KCNN2: variants seen among roughly 807,000 people sequenced by gnomAD.
The protein encoded by KCNN2 is potassium calcium-activated channel subfamily N member 2, also known as small conductance calcium-activated potassium channel protein 2.
In KCNN2, 24 loss-of-function variants were observed where a neutral mutation model predicts 55.5. The observed-to-expected ratio is 0.43, with a 90% CI of 0.31 to 0.61. The LOEUF (loss-of-function observed/expected upper bound fraction) is 0.61, where lower values mean the gene tolerates loss of function less well. KCNN2 is among the 20% of genes least tolerant of loss of function. The pLI is 0.08. For synonymous variants in KCNN2, 431 were observed against 336.1 expected (o/e 1.28, Z -3.09); for missense variants, 754 against 853.6 (o/e 0.88, Z 1.45).
intron 2 of KCNN2, among the ~76,000 whole-genome samples, chr5:114,230,092 A>G (rs1351237422): frequency 1.3e-5 from 2 of 152,154 alleles, no homozygotes; most frequent in Non-Finnish European, 2.9e-5. Context: ...AAGAGATTGT[A>G]TTATTTCTTT....
chr5:114,237,648 A>G (rs1355715544), intron 2 of KCNN2, among the ~76,000 whole-genome samples: 4 of 152,134 alleles, frequency 2.6e-5, no homozygotes, highest in Non-Finnish European at 5.9e-5. Flanking sequence ...GAAAAACACA[A>G]TCTAAAGTTT....
At chr5:114,324,558 C>T (rs989932729) in intron 2 of KCNN2, among the ~76,000 whole-genome samples, 1 of 152,212 alleles carries the variant, frequency 6.6e-6, no homozygotes, top group South Asian at 2.1e-4. Flanking sequence ...TTCTCCCTGT[C>T]AGCCCTGCTG....
At chr5:114,302,128 A>G (rs1179220408) in intron 2 of KCNN2, among the ~76,000 whole-genome samples, 1 of 152,202 alleles carries the variant, frequency 6.6e-6, no homozygotes. Flanking sequence ...CTGCTGATCA[A>G]AAGTACTCTT....
intron 2 of KCNN2, among the ~76,000 whole-genome samples, chr5:114,271,582 T>C (rs544772954): frequency 6.6e-6 from 1 of 152,324 alleles, no homozygotes; most frequent in East Asian, 1.9e-4. Flanking sequence ...GTTTAACCTG[T>C]AATAGGATAG....
intron 1 of KCNN2, among the ~76,000 whole-genome samples, chr5:114,185,720 A>G (rs1753317528): frequency 6.6e-6 from 1 of 152,218 alleles, no homozygotes; most frequent in Non-Finnish European, 1.5e-5. Context: ...ATTGATACGT[A>G]GAGAAATGAA....
chr5:114,159,614 C>T (rs1752720994), intron 1 of KCNN2, among the ~76,000 whole-genome samples: 2 of 152,128 alleles, frequency 1.3e-5, no homozygotes, highest in Non-Finnish European at 2.9e-5. Flanking sequence ...TAGAATTCAG[C>T]TGTGAGTCCA....
intron 2 of KCNN2, among the ~76,000 whole-genome samples, chr5:114,232,048 T>C (rs147306011): frequency 1.3e-5 from 2 of 151,264 alleles, no homozygotes; most frequent in African/African-American, 4.9e-5. Context: ...AGGCCAGTAT[T>C]GATATTCTCA....
chr5:114,379,862 T>C (rs906920610), intron 2 of KCNN2, among the ~76,000 whole-genome samples: 3 of 146,372 alleles, frequency 2.0e-5, no homozygotes, highest in African/African-American at 7.4e-5. Flanking sequence ...TATAGCATAT[T>C]AATATTTTAT....
chr5:114,290,896 T>C (rs1416979825), intron 2 of KCNN2, among the ~76,000 whole-genome samples: 3 of 152,138 alleles, frequency 2.0e-5, no homozygotes, highest in Non-Finnish European at 4.4e-5. Context: ...TGTGAACTTT[T>C]CTATTTTCCT....
At chr5:114,481,780 G>A in intron 5 of KCNN2, among the ~76,000 whole-genome samples, 1 of 152,118 alleles carries the variant, frequency 6.6e-6, no homozygotes, top group East Asian at 1.9e-4. Flanking sequence ...AACAAGCAAT[G>A]CAGAAAGGAG....
In KCNN2 at chr5:114,439,189, A is replaced by G. The variant is rs539498824; in HGVS notation, c.1638-23860A>G. Among the ~76,000 whole-genome samples, 7 of 152,342 alleles carry G rather than the reference A, an allele frequency of 4.6e-5. 1 individual carries two copies. The South Asian group carries it at 1.2e-3, about 27-fold the overall frequency. ...AAGGGAAATCTCCACATGCCTACAT[A>G]TATGTATGAAAACATATCAGCAGAA... On this transcript the variant is annotated intron_variant, in intron 3 of 7. Transcript: ENST00000673685.
chr5:114,178,401 A>G (rs1185957089), intron 1 of KCNN2, among the ~76,000 whole-genome samples: 1 of 152,182 alleles, frequency 6.6e-6, no homozygotes, highest in East Asian at 1.9e-4. Context: ...ATGTAATTAT[A>G]TTACATTTCA....
rs371670033 is a variant in KCNN2 at position 114,161,497 on chromosome 5, G to A, written c.-270-59983G>A. On this transcript the variant is annotated intron_variant, in intron 1 of 10. Coordinates refer to the KCNN2 transcript ENST00000512097. The stretch of plus-strand genomic sequence containing the variant: ...TATGTGTCTTGGAGTTGCTCTTCTC[G>A]AGGAGTATCTTTGTGGCGTTCTCTG... Among the ~76,000 whole-genome samples the A allele has an allele frequency of 2.5e-3, 381 of 151,572 alleles. 3 individuals carry two copies. Among genetic ancestry groups the A allele is most frequent in the African/African-American group, 8.4e-3 (347 of 41,262 alleles).
chr5:114,213,398 C>T (rs945622667), intron 1 of KCNN2, among the ~76,000 whole-genome samples: 1 of 146,004 alleles, frequency 6.8e-6, no homozygotes, highest in East Asian at 2.0e-4. Flanking sequence ...CTTGGTTTCT[C>T]TTTTTTTTTT....
At chr5:114,349,706 A>C (rs1757173090) in intron 2 of KCNN2, among the ~76,000 whole-genome samples, 1 of 152,044 alleles carries the variant, frequency 6.6e-6, no homozygotes, top group South Asian at 2.1e-4. Context: ...ATTATGCTGC[A>C]GGGAACATTC....
chr5:114,246,573 G>A (rs956949997), intron 2 of KCNN2, among the ~76,000 whole-genome samples: 1 of 151,646 alleles, frequency 6.6e-6, no homozygotes, highest in African/African-American at 2.4e-5. Context: ...TTATATAAAA[G>A]TAAAAAAACT....
At chr5:114,220,825 C>CAAAA (rs11311434) in intron 1 of KCNN2, among the ~76,000 whole-genome samples, 3 of 91,878 alleles carry the variant, frequency 3.3e-5, no homozygotes, top group East Asian at 2.9e-4. Context: ...GACTCCATCT[C>CAAAA]AAAAAAAAAA....
chr5:114,116,864 A>C (rs893711171), intron 1 of KCNN2, among the ~76,000 whole-genome samples: 1 of 152,120 alleles, frequency 6.6e-6, no homozygotes, highest in Non-Finnish European at 1.5e-5. Flanking sequence ...ATATGTCCTT[A>C]TCTTTTGCTT....
At chr5:114,385,518 C>T (rs1011540635) in intron 2 of KCNN2, among the ~76,000 whole-genome samples, 8 of 81,892 alleles carry the variant, frequency 9.8e-5, no homozygotes, top group Non-Finnish European at 2.0e-4. Context: ...CACACATGCG[C>T]GCACACACAC....
Sources: gnomAD v4.1 joint callset for allele counts (sites outside exome capture counted in the v4.1 genomes callset) on GRCh38, gnomAD v4.1.1 for gene constraint, MANE v1.5 for transcripts, NCBI Gene and HGNC (gene_info 2026-07-23, HGNC 2026-07-21) for gene names.